Variants in CGNL1 observed in about 807,000 individuals in gnomAD.
The protein encoded by CGNL1 is cingulin-like protein 1.
A neutral mutation model predicts 141.2 loss-of-function variants in CGNL1; 132 were observed. The observed-to-expected ratio is 0.93, with a 90% confidence interval of 0.81 to 1.08. The LOEUF (loss-of-function observed/expected upper bound fraction) is 1.08, where lower values mean the gene tolerates loss of function less well. Among genes scored for constraint, CGNL1 ranks in the 50% least tolerant of loss-of-function variants. The pLI is 0.00. For synonymous variants in CGNL1, 690 were observed against 622.1 expected (o/e 1.11, Z -1.63); for missense variants, 1,870 against 1,588.6 (o/e 1.18, Z -3.01).
rs539928951 is a variant in CGNL1 at position 57,421,417 on chromosome 15, G to A, written c.-15-16568G>A. ...AATTCGTTTTCTACCCTTAAACACCGAAAGGAACCCTCTTTCCTCCTGGCT... is the reference window on the plus strand; with the variant it reads ...AATTCGTTTTCTACCCTTAAACACCAAAAGGAACCCTCTTTCCTCCTGGCT... On this transcript the variant is annotated intron_variant, in intron 1 of 18. Transcript: ENST00000281282. 6.6e-4 allele frequency among the ~76,000 whole-genome samples: 100 copies of A among 152,058 alleles called. 1 individual carries two copies. Among genetic ancestry groups the A allele is most frequent in the South Asian group, 4.4e-3 (21 of 4,792 alleles).
chr15:57,427,471 G>A (rs1361038375), intron 1 of CGNL1, among the ~76,000 whole-genome samples: 1 of 152,160 alleles, frequency 6.6e-6, no homozygotes, highest in Non-Finnish European at 1.5e-5. Flanking sequence ...GACGCCCAGG[G>A]AGCTGGGAAG....
chr15:57,538,535 G>A (rs915886528), intron 14 of CGNL1, among the ~76,000 whole-genome samples: 55 of 152,154 alleles, frequency 3.6e-4, no homozygotes, highest in Admixed American at 5.9e-4. Context: ...GGGAGGTCTT[G>A]AACCTGTGGG....
chr15:57,472,778 A>C (rs899057804), intron 8 of CGNL1, among the ~76,000 whole-genome samples: 1 of 152,182 alleles, frequency 6.6e-6, no homozygotes, highest in Non-Finnish European at 1.5e-5. Flanking sequence ...CAGGTGGATG[A>C]GAGATGATAG....
intron 8 of CGNL1, among the ~76,000 whole-genome samples, chr15:57,495,469 C>T (rs780562819): frequency 2.0e-5 from 3 of 152,102 alleles, no homozygotes; most frequent in African/African-American, 7.2e-5. Context: ...TCAAATGTCT[C>T]GTAAAATGTG....
At chr15:57,386,573 G>T (rs1437961497) in intron 1 of CGNL1, among the ~76,000 whole-genome samples, 1 of 152,146 alleles carries the variant, frequency 6.6e-6, no homozygotes, top group African/African-American at 2.4e-5. Flanking sequence ...ACAGCATGAG[G>T]TCAGCCACTC....
chr15:57,440,582 G>A (rs2063174288), intron 3 of CGNL1, 111 bp downstream of exon 3: 7 of 814,312 alleles, frequency 8.6e-6, no homozygotes, highest in African/African-American at 1.7e-5. Context: ...TGTGCCAGCC[G>A]TTGGAGGGTT....
chr15:57,425,550 C>T (rs2152288287), intron 1 of CGNL1, among the ~76,000 whole-genome samples: 1 of 152,222 alleles, frequency 6.6e-6, no homozygotes, highest in Admixed American at 6.5e-5. Flanking sequence ...TGAGATCAGC[C>T]TGGCCAACAT....
At chr15:57,420,242 G>T (rs139857759) in intron 1 of CGNL1, among the ~76,000 whole-genome samples, 36 of 152,274 alleles carry the variant, frequency 2.4e-4, no homozygotes, top group African/African-American at 7.7e-4. Flanking sequence ...TAGAGACCAA[G>T]ATCTGGGTGC....
chr15:57,442,362 C>T lies in CGNL1; in HGVS notation c.1698-11C>T, dbSNP rs1351639229. On this transcript the variant is annotated splice_polypyrimidine_tract_variant and intron_variant, in intron 3 of 18. Coordinates refer to ENST00000281282, the MANE Select transcript of CGNL1 (RefSeq NM_032866.5). ...TGTCCCTCATTGTTTTCTCTGCTGTCCCTTTTTCAGAAGCACTGATAATGA... is the reference window on the plus strand; with the variant it reads ...TGTCCCTCATTGTTTTCTCTGCTGTTCCTTTTTCAGAAGCACTGATAATGA... 6 of 1,571,156 alleles carry T rather than the reference C, an allele frequency of 3.8e-6. No homozygotes were observed. Among genetic ancestry groups the T allele is most frequent in the South Asian group, 1.1e-5 (1 of 90,058 alleles).
intron 14 of CGNL1, among the ~76,000 whole-genome samples, chr15:57,537,692 C>G (rs1265764803): frequency 1.3e-5 from 2 of 152,176 alleles, no homozygotes; most frequent in Non-Finnish European, 2.9e-5. Context: ...AAGGCAGCTA[C>G]TTACAATTCT....
chr15:57,506,924 A>G (rs943022227), intron 8 of CGNL1, among the ~76,000 whole-genome samples: 2 of 152,214 alleles, frequency 1.3e-5, no homozygotes, highest in African/African-American at 4.8e-5. Context: ...TTTTGTTTTT[A>G]TTAAGATAAC....
chr15:57,529,686 CTT>C (rs1275718980), intron 13 of CGNL1, among the ~76,000 whole-genome samples: 1 of 151,864 alleles, frequency 6.6e-6, no homozygotes, highest in Non-Finnish European at 1.5e-5. Context: ...TAGTCTCAGT[CTT>C]TTCAGAGAAG....
chr15:57,446,975 C>T (rs527386478), intron 4 of CGNL1, among the ~76,000 whole-genome samples: 10 of 152,100 alleles, frequency 6.6e-5, no homozygotes, highest in South Asian at 4.2e-4. Context: ...TATTCTTCTC[C>T]GAGATTATCT....
intron 4 of CGNL1, among the ~76,000 whole-genome samples, chr15:57,445,621 A>T (rs1280402): frequency 0.19 from 28,948 of 152,116 alleles, 3,908 homozygotes; most frequent in African/African-American, 0.37. Context: ...GCCTAAGAAA[A>T]TTGGAAGTTG....
chr15:57,543,920 G>C, intron 15 of CGNL1, 141 bp downstream of exon 15: 3 of 612,356 alleles, frequency 4.9e-6, no homozygotes, highest in Non-Finnish European at 8.5e-6. Flanking sequence ...TCCTTTTCCA[G>C]AGTTGTTTTT....
intron 8 of CGNL1, among the ~76,000 whole-genome samples, chr15:57,495,447 G>C (rs750271437): frequency 5.8e-4 from 88 of 152,146 alleles, no homozygotes; most frequent in Admixed American, 2.2e-3. Context: ...TTACCAGCTT[G>C]TTTCTTTAAA....
At chr15:57,490,506 T>C (rs554121376) in intron 8 of CGNL1, among the ~76,000 whole-genome samples, 1 of 152,216 alleles carries the variant, frequency 6.6e-6, no homozygotes, top group South Asian at 2.1e-4. Context: ...AGTCACAAAA[T>C]AAGGTAGTAT....
intron 12 of CGNL1, chr15:57,527,428 C>T (rs116771624): frequency 2.6e-5 from 4 of 152,338 alleles, no homozygotes; most frequent in African/African-American, 9.6e-5. Context: ...GAAACAGACC[C>T]CCTGGTGTAT....
At chr15:57,490,536 A>G (rs1442232709) in intron 8 of CGNL1, among the ~76,000 whole-genome samples, 1 of 152,208 alleles carries the variant, frequency 6.6e-6, no homozygotes, top group Non-Finnish European at 1.5e-5. Flanking sequence ...ACCCCAAAAT[A>G]AAATAAATGC....
Sources: gnomAD v4.1 joint callset for allele counts (sites outside exome capture counted in the v4.1 genomes callset) on GRCh38, gnomAD v4.1.1 for gene constraint, MANE v1.5 for transcripts, NCBI Gene and HGNC (gene_info 2026-07-23, HGNC 2026-07-21) for gene names.